Variants in LARP4B observed in about 807,000 individuals in gnomAD.
LARP4B encodes la-related protein 4B.
In LARP4B, 12 loss-of-function variants were observed where a neutral mutation model predicts 89.8. The observed-to-expected ratio is 0.13, with a 90% CI of 0.09 to 0.22. The LOEUF (loss-of-function observed/expected upper bound fraction) is 0.22, where lower values mean the gene tolerates loss of function less well. Among genes scored for constraint, LARP4B ranks in the 10% least tolerant of loss-of-function variants. The pLI is 1.00. For synonymous variants in LARP4B, 367 were observed against 363.3 expected, an observed-to-expected ratio of 1.01 and a Z score of -0.12; for missense variants, 757 against 947.7, an observed-to-expected ratio of 0.80 and a Z score of 2.64.
At chr10:971,446 C>A in the LARP4B span, 1 of 152,140 alleles carries the variant, frequency 6.6e-6, no homozygotes. Flanking sequence ...GTGGCCCAAA[C>A]TATTTTATAA....
intron 3 of LARP4B, among the ~76,000 whole-genome samples, chr10:876,114 G>A (rs1003875251): frequency 3.3e-5 from 5 of 152,288 alleles, no homozygotes; most frequent in East Asian, 1.9e-4. Context: ...GACCAGGTGC[G>A]ATGGCTCACG....
chr10:955,451 C>T, the LARP4B span, among the ~76,000 whole-genome samples: 1 of 152,208 alleles, frequency 6.6e-6, no homozygotes, highest in Non-Finnish European at 1.5e-5. The surrounding 1 kb of genome is among the most constrained non-coding windows in gnomAD (Gnocchi z 5.2). Flanking sequence ...TTCTGTGCTT[C>T]CTGAGATGAC....
the LARP4B span, among the ~76,000 whole-genome samples, chr10:945,483 G>A: frequency 3.7e-3 from 562 of 151,916 alleles, 2 homozygotes; most frequent in Non-Finnish European, 5.6e-3. Flanking sequence ...TCAGGAGATC[G>A]AGACCATCCT....
At chr10:974,655 C>T in the LARP4B span, among the ~76,000 whole-genome samples, 1 of 152,224 alleles carries the variant, frequency 6.6e-6, no homozygotes, top group East Asian at 1.9e-4. Flanking sequence ...GAAATGAGGC[C>T]AGGCCACTGG....
At chr10:902,326 G>A (rs1588976008) in intron 1 of LARP4B, among the ~76,000 whole-genome samples, 1 of 152,232 alleles carries the variant, frequency 6.6e-6, no homozygotes, top group Non-Finnish European at 1.5e-5. Context: ...CTAAGCTGCA[G>A]CAGTGCGAAT....
intron 15 of LARP4B, among the ~76,000 whole-genome samples, chr10:816,629 G>A (rs1832076587): frequency 6.6e-6 from 1 of 152,240 alleles, no homozygotes; most frequent in African/African-American, 2.4e-5. Context: ...GTAGGCTACA[G>A]TTGGAAAACT....
chr10:979,768 G>C, the LARP4B span, among the ~76,000 whole-genome samples: 1 of 152,144 alleles, frequency 6.6e-6, no homozygotes, highest in Non-Finnish European at 1.5e-5. Flanking sequence ...TCAGGAGATA[G>C]AGACCATCCT....
chr10:898,284 G>C (rs1202087123), intron 1 of LARP4B, among the ~76,000 whole-genome samples: 1 of 152,144 alleles, frequency 6.6e-6, no homozygotes, highest in Non-Finnish European at 1.5e-5. Context: ...ACACACTGCT[G>C]GTACAAATGT....
chr10:859,369 A>G (rs1265366339), intron 5 of LARP4B, among the ~76,000 whole-genome samples: 1 of 152,186 alleles, frequency 6.6e-6, no homozygotes, highest in African/African-American at 2.4e-5. Context: ...GTAAAATACT[A>G]TGGCCTGTAT....
At chr10:817,678 T>C in intron 15 of LARP4B, 47 bp downstream of exon 15, 1 of 1,573,186 alleles carries the variant, frequency 6.4e-7, no homozygotes, top group Non-Finnish European at 8.7e-7. Flanking sequence ...ACGGAACCCG[T>C]ACCTAGACAC....
chr10:883,080 A>G (rs1835734599), intron 3 of LARP4B, among the ~76,000 whole-genome samples: 1 of 152,256 alleles, frequency 6.6e-6, no homozygotes, highest in African/African-American at 2.4e-5. Context: ...GTTGGACTGA[A>G]AGTCAACCAC....
chr10:894,974 C>T (rs1006646646), intron 1 of LARP4B, among the ~76,000 whole-genome samples: 4 of 152,198 alleles, frequency 2.6e-5, no homozygotes, highest in African/African-American at 9.6e-5. Context: ...TGCCTGAGCT[C>T]AGGAGTTTGC....
At chr10:870,140 A>G (rs1835128402) in intron 3 of LARP4B, 2 of 616,758 alleles carry the variant, frequency 3.2e-6, no homozygotes, top group Non-Finnish European at 4.1e-6. Context: ...CTCACTAAAT[A>G]TTGTTTCACC....
At chr10:872,703 G>C (rs1464163523) in intron 3 of LARP4B, among the ~76,000 whole-genome samples, 3 of 152,130 alleles carry the variant, frequency 2.0e-5, no homozygotes, top group Non-Finnish European at 4.4e-5. Flanking sequence ...CGGTCAGAAG[G>C]CACCAGCACA....
chr10:849,540 A>G (rs889384300), intron 5 of LARP4B, among the ~76,000 whole-genome samples: 3 of 152,248 alleles, frequency 2.0e-5, no homozygotes, highest in Non-Finnish European at 2.9e-5. Flanking sequence ...CAAATCTCCC[A>G]TACATAAGAA....
At chr10:969,449 G>A in the LARP4B span, among the ~76,000 whole-genome samples, 2 of 152,180 alleles carry the variant, frequency 1.3e-5, no homozygotes, top group Non-Finnish European at 2.9e-5. Flanking sequence ...AGGAGAAAAG[G>A]CTCGGCACGG....
rs576861449 is a variant in LARP4B at position 909,741 on chromosome 10, C to T, written c.-40+21687G>A. Reference sequence around the variant, plus strand: ...CGGAGGTTGCAGTGAGCTGAGATCGCGCCACTGCACTCCAGCCTGGGTAAC... The same window carrying T: ...CGGAGGTTGCAGTGAGCTGAGATCGTGCCACTGCACTCCAGCCTGGGTAAC... On this transcript the variant is annotated intron_variant, in intron 1 of 17. Transcript: ENST00000316157. 5.3e-5 allele frequency among the ~76,000 whole-genome samples: 8 copies of T among 151,806 alleles called. No individual in the cohort carries two copies. The East Asian group carries it at 5.8e-4, about 11-fold the overall frequency.
At chr10:942,416 T>C in the LARP4B span, 1 of 152,262 alleles carries the variant, frequency 6.6e-6, no homozygotes, top group Non-Finnish European at 1.5e-5. Flanking sequence ...CGGAGTCAGA[T>C]GCATTTCCCT....
chr10:869,167 T>C (rs1452855046), intron 3 of LARP4B, among the ~76,000 whole-genome samples: 1 of 152,146 alleles, frequency 6.6e-6, no homozygotes, highest in Non-Finnish European at 1.5e-5. Flanking sequence ...AGAACCAAGA[T>C]TTCATAGGCA....
Sources: allele counts gnomAD v4.1 joint callset (sites outside exome capture counted in the v4.1 genomes callset), GRCh38; gene constraint gnomAD v4.1.1; non-coding constraint Gnocchi (gnomAD v3.1); transcripts MANE v1.5; gene names NCBI Gene and HGNC (gene_info 2026-07-23, HGNC 2026-07-21).